ANKMY1: variants seen among roughly 807,000 people sequenced by gnomAD.
The protein encoded by ANKMY1 is ankyrin repeat and MYND domain containing 1, also known as ankyrin repeat and MYND domain-containing protein 1.
A neutral mutation model predicts 102.0 loss-of-function variants in ANKMY1; 98 were observed. The ratio of observed to expected loss-of-function variants is 0.96; its 90% CI spans 0.82 to 1.14. ANKMY1 has a LOEUF of 1.14. Ranked by LOEUF, ANKMY1 falls within the 50% of genes most tolerant of loss-of-function variation. ANKMY1 has a pLI of 0.00. For missense variants in ANKMY1, 1,330 were observed against 1,347.6 expected, an observed-to-expected ratio of 0.99 and a Z score of 0.20; for synonymous variants, 582 against 559.9, an observed-to-expected ratio of 1.04 and a Z score of -0.56.
Position 240,499,887 on chromosome 2 carries a change from G to GGA in ANKMY1, c.2806+69_2806+70dup. 3 of 1,505,946 alleles carry GGA rather than the reference G, an allele frequency of 2.0e-6. No individual in the cohort carries two copies. Among genetic ancestry groups the GGA allele is most frequent in the Non-Finnish European group, 2.7e-6 (3 of 1,120,666 alleles). The allele number at this position is 1,505,946 out of a possible 1,614,324, so 93.3% of individuals were successfully genotyped here. ...AGCCCCAGGGGGTCCAGATCTCCAG[G>GGA]GATAACAGCCCCAGGCACGAGGCCG... On this transcript the variant is annotated intron_variant, in intron 15 of 17. Coordinates refer to ENST00000401804, the MANE Select transcript of ANKMY1 (RefSeq NM_001282771.3). This position sits in a 1 kb window ranked among gnomAD's most constrained non-coding sequence, Gnocchi z 4.2.
At chr2:240,503,668 A>G (rs1041433095) in intron 13 of ANKMY1, among the ~76,000 whole-genome samples, 2 of 152,230 alleles carry the variant, frequency 1.3e-5, no homozygotes, top group African/African-American at 4.8e-5. Context: ...GGCCGAGGCC[A>G]AGAACAGTAG....
intron 2 of ANKMY1, among the ~76,000 whole-genome samples, chr2:240,556,762 C>T (rs1178374489): frequency 6.6e-6 from 1 of 152,210 alleles, no homozygotes; most frequent in East Asian, 1.9e-4. Flanking sequence ...TCACACTGGG[C>T]CAGGGCTGGG....
chr2:240,484,738 G>T (rs1333297549), intron 15 of ANKMY1, among the ~76,000 whole-genome samples: 3 of 152,096 alleles, frequency 2.0e-5, no homozygotes, highest in Non-Finnish European at 2.9e-5. Flanking sequence ...GCACAGCAAA[G>T]GAAACTATCA....
chr2:240,512,997 G>C, intron 9 of ANKMY1, 55 bp from the exon 10 acceptor site: 1 of 1,577,430 alleles, frequency 6.3e-7, no homozygotes, highest in Non-Finnish European at 8.6e-7. Flanking sequence ...GGGAGAGACA[G>C]GTGAGGTACC....
Position 240,526,590 on chromosome 2 carries a change from G to T in ANKMY1, c.954-145C>A. The stretch of plus-strand genomic sequence containing the variant: ...TCACTCCTCAGGTACCCTGAGTGCT[G>T]GCAGCTGCACCCGCAGCTGCTCACA... On this transcript the variant is annotated intron_variant, in intron 5 of 17. Transcript: ENST00000401804. 2 of 1,471,916 alleles carry T rather than the reference G, an allele frequency of 1.4e-6. 1 individual carries two copies. Among genetic ancestry groups the T allele is most frequent in the South Asian group, 2.8e-5 (2 of 72,478 alleles). 91.2% of individuals were successfully genotyped at this position (1,471,916 alleles called of 1,614,324 possible). A position where few individuals can be genotyped will look rare whatever the true frequency, so the allele number is the denominator to read the frequency against.
intron 1 of ANKMY1, 72 bp from the exon 2 acceptor site, chr2:240,557,424 C>T (rs12465325): frequency 1.4e-6 from 2 of 1,394,162 alleles, no homozygotes; most frequent in African/African-American, 1.5e-5. Context: ...GCCCGAGGCC[C>T]GGCCCGCGGC....
At chr2:240,484,038 T>C (rs1314490316) in intron 15 of ANKMY1, among the ~76,000 whole-genome samples, 2 of 152,262 alleles carry the variant, frequency 1.3e-5, no homozygotes, top group South Asian at 2.1e-4. Context: ...GGCTGCATAG[T>C]ATTCCATGGT....
chr2:240,521,181 A>G (rs2082171717), intron 8 of ANKMY1, among the ~76,000 whole-genome samples: 1 of 152,166 alleles, frequency 6.6e-6, no homozygotes, highest in Admixed American at 6.5e-5. Context: ...AATGACCATG[A>G]GGGCAGGGCA....
chr2:240,538,425 C>A (rs2087543863), intron 4 of ANKMY1, among the ~76,000 whole-genome samples: 1 of 152,156 alleles, frequency 6.6e-6, no homozygotes, highest in Admixed American at 6.5e-5. Context: ...AGCACCTGGG[C>A]CAGAAGCTGC....
intron 15 of ANKMY1, among the ~76,000 whole-genome samples, chr2:240,485,638 G>A (rs111796057): frequency 0.035 from 5,326 of 151,516 alleles, 126 homozygotes; most frequent in South Asian, 0.08. Context: ...CACCCAGGCT[G>A]GAGTGCAGTG....
At chr2:240,515,564 G>C (rs777397812) in intron 9 of ANKMY1, among the ~76,000 whole-genome samples, 1 of 152,002 alleles carries the variant, frequency 6.6e-6, no homozygotes, top group East Asian at 1.9e-4. Flanking sequence ...ATTGTAAAAG[G>C]TTATAAACGT....
In ANKMY1 at chr2:240,512,987, G is replaced by A. The variant is rs746783157; in HGVS notation, c.2005-45C>T. ...GCGGGCAGTGAGGCACATTCTCGTA[G>A]GGAGAGACAGGTGAGGTACCTGAGG... On this transcript the variant is annotated intron_variant, in intron 9 of 17. Coordinates refer to ENST00000401804, the MANE Select transcript of ANKMY1 (RefSeq NM_001282771.3). 1.2e-5 allele frequency: 19 copies of A among 1,586,736 alleles called. No individual in the cohort carries two copies. In the African/African-American group the frequency reaches 2.2e-4, roughly 18 times the overall value.
At chr2:240,489,624 G>A (rs1450439734) in intron 15 of ANKMY1, among the ~76,000 whole-genome samples, 1 of 152,092 alleles carries the variant, frequency 6.6e-6, no homozygotes, top group Non-Finnish European at 1.5e-5. Flanking sequence ...CCAGGTAGAA[G>A]CCTCACCTAA....
chr2:240,469,666 C>A, the ANKMY1 span, among the ~76,000 whole-genome samples: 1 of 150,564 alleles, frequency 6.6e-6, no homozygotes, highest in Admixed American at 6.6e-5. Context: ...CATGTGCACT[C>A]CACATTTACA....
intron 15 of ANKMY1, among the ~76,000 whole-genome samples, chr2:240,491,978 T>C (rs2151939863): frequency 6.6e-6 from 1 of 152,174 alleles, no homozygotes; most frequent in South Asian, 2.1e-4. Context: ...TTTTCATCTA[T>C]TATTTCATTA....
At chr2:240,501,411 A>G (rs2078160954) in intron 13 of ANKMY1, among the ~76,000 whole-genome samples, 1 of 152,170 alleles carries the variant, frequency 6.6e-6, no homozygotes. Flanking sequence ...CAAAGCAAAT[A>G]TCATCTAAAG....
chr2:240,509,383 G>T lies in ANKMY1; in HGVS notation c.2359C>A (p.Pro787Thr). Residue 787 changes from proline to threonine, a missense_variant, in exon 12 of 18, where the codon CCG becomes ACG. Coordinates refer to ENST00000401804, the MANE Select transcript of ANKMY1 (RefSeq NM_001282771.3). ...CCACTGGCAATGGACAGGGAGAGCG[G>T]GGAGTGGCCACTCCACAGCAGGTTA... ...NPNLLWSGHS[P>T]LSLSIASGNE... 6.2e-7 allele frequency: 1 copy of T among 1,613,682 alleles called. No individual in the cohort carries two copies. Among genetic ancestry groups the T allele is most frequent in the Non-Finnish European group, 8.5e-7 (1 of 1,179,800 alleles).
At chr2:240,487,072 T>G (rs1471167419) in intron 15 of ANKMY1, among the ~76,000 whole-genome samples, 1 of 152,170 alleles carries the variant, frequency 6.6e-6, no homozygotes, top group Non-Finnish European at 1.5e-5. Flanking sequence ...TGACTTTATT[T>G]CTTCTATCTT....
chr2:240,498,091 G>A (rs529557659), intron 15 of ANKMY1, among the ~76,000 whole-genome samples: 86 of 152,306 alleles, frequency 5.6e-4, no homozygotes, highest in African/African-American at 1.8e-3. Context: ...TGGCCAGGAA[G>A]TAGCCTCAGC....
Sources: gnomAD v4.1 joint callset for allele counts (sites outside exome capture counted in the v4.1 genomes callset) on GRCh38, gnomAD v4.1.1 for gene constraint, Gnocchi (gnomAD v3.1) non-coding constraint, MANE v1.5 for transcripts, NCBI Gene and HGNC (gene_info 2026-07-23, HGNC 2026-07-21) for gene names.